Variants in PKHD1 observed in about 807,000 individuals in gnomAD.
PKHD1 encodes PKHD1 ciliary IPT domain containing fibrocystin/polyductin, also known as fibrocystin.
In PKHD1, 291 loss-of-function variants were observed where a neutral mutation model predicts 412.0. The observed-to-expected ratio is 0.71, with a 90% CI of 0.64 to 0.78. The LOEUF (loss-of-function observed/expected upper bound fraction) is 0.78, where lower values mean the gene tolerates loss of function less well. Ranked by LOEUF, PKHD1 falls within the 30% of genes least tolerant of loss-of-function variation. The pLI is 0.00. For synonymous variants in PKHD1, 1,777 were observed against 1,821.5 expected, an observed-to-expected ratio of 0.98 and a Z score of 0.62; for missense variants, 4,825 against 4,950.7, an observed-to-expected ratio of 0.97 and a Z score of 0.76.
At chr6:51,796,757 C>A (rs1300748230) in intron 52 of PKHD1, among the ~76,000 whole-genome samples, 2 of 151,422 alleles carry the variant, frequency 1.3e-5, no homozygotes, top group Non-Finnish European at 2.9e-5. Flanking sequence ...ATTATTTACT[C>A]AAGAGTCATT....
rs749998868 is a variant in PKHD1 at position 51,748,317 on chromosome 6, T to C, written c.9299A>G (p.Glu3100Gly). The change falls in exon 58 of 67, where the codon GAG (glutamate) becomes GGG (glycine). Residue 3100 changes from glutamate to glycine, a missense_variant. By Grantham distance (98) the Glu-to-Gly change is moderately conservative. Coordinates refer to ENST00000371117, the MANE Select transcript of PKHD1 (RefSeq NM_138694.4). ...GCCTCGGATGTGAAAGCCAAGTCTC[T>C]CTGATCCTGCCACAACGTTGCCATG... Reference protein sequence around the residue: ...NLHGNVVAGSERLGFHIRGHK... With the variant: ...NLHGNVVAGSGRLGFHIRGHK... 1 of 1,614,062 alleles carries C rather than the reference T, an allele frequency of 6.2e-7. No homozygotes were observed. The highest frequency in any genetic ancestry group is 1.7e-5 in the Admixed American group (1 of 59,986).
intron 35 of PKHD1, among the ~76,000 whole-genome samples, chr6:51,972,695 T>C (rs1265408903): frequency 6.6e-6 from 1 of 152,196 alleles, no homozygotes; most frequent in East Asian, 1.9e-4. Flanking sequence ...TCTAAGCTCT[T>C]AGAGCCCAGT....
At chr6:51,629,549 C>T (rs750734786) in intron 65 of PKHD1, among the ~76,000 whole-genome samples, 1 of 151,788 alleles carries the variant, frequency 6.6e-6, no homozygotes, top group Non-Finnish European at 1.5e-5. Context: ...GAAGGATATA[C>T]CCTGAAATAA....
intron 33 of PKHD1, among the ~76,000 whole-genome samples, chr6:52,019,574 A>C (rs1029411470): frequency 1.3e-5 from 2 of 152,240 alleles, no homozygotes; most frequent in Middle Eastern, 3.2e-3. Flanking sequence ...GCAAATTGAC[A>C]AGCAGGATTA....
chr6:51,732,989 T>G (rs987263591), intron 60 of PKHD1, among the ~76,000 whole-genome samples: 3 of 152,196 alleles, frequency 2.0e-5, no homozygotes, highest in African/African-American at 4.8e-5. Flanking sequence ...GAGAACATTA[T>G]GCTAAAAGAA....
chr6:51,915,093 G>C (rs936555685), intron 37 of PKHD1, among the ~76,000 whole-genome samples: 2 of 152,050 alleles, frequency 1.3e-5, no homozygotes, highest in African/African-American at 4.8e-5. Context: ...AAACAGATGA[G>C]AGAAAAGAAG....
chr6:51,707,061 G>T (rs1780097016), intron 60 of PKHD1, among the ~76,000 whole-genome samples: 1 of 152,040 alleles, frequency 6.6e-6, no homozygotes, highest in Non-Finnish European at 1.5e-5. Flanking sequence ...GAATATATAA[G>T]AATTGCTTTA....
intron 50 of PKHD1, among the ~76,000 whole-genome samples, chr6:51,838,364 C>T (rs893405544): frequency 6.6e-6 from 1 of 152,130 alleles, no homozygotes; most frequent in Admixed American, 6.5e-5. Context: ...TAGCTCTTTC[C>T]ACTACACTGC....
At chr6:52,017,336 A>G (rs952547875) in intron 34 of PKHD1, 74 bp downstream of exon 34, 1 of 1,088,380 alleles carries the variant, frequency 9.2e-7, no homozygotes, top group Non-Finnish European at 1.4e-6. Context: ...CCCAGCCTAC[A>G]CTCTCTGATG....
intron 28 of PKHD1, among the ~76,000 whole-genome samples, chr6:52,034,059 G>T (rs1254464693): frequency 6.6e-6 from 1 of 151,918 alleles, no homozygotes; most frequent in Non-Finnish European, 1.5e-5. Context: ...AACCCGGGAG[G>T]TGGAGGTTGC....
chr6:51,622,422 G>A (rs1055193276), intron 66 of PKHD1: 6 of 152,088 alleles, frequency 3.9e-5, no homozygotes, highest in Admixed American at 2.6e-4. Flanking sequence ...GGACTTTTGA[G>A]CCTAAACAGG....
At chr6:52,044,646 A>C (rs1805488619) in intron 25 of PKHD1, among the ~76,000 whole-genome samples, 2 of 152,230 alleles carry the variant, frequency 1.3e-5, no homozygotes, top group Admixed American at 1.3e-4. Context: ...AGACAAAAAG[A>C]ATGACTTAGC....
intron 24 of PKHD1, 40 bp from the exon 25 acceptor site, chr6:52,045,128 C>T (rs191119111): frequency 2.4e-5 from 39 of 1,604,250 alleles, no homozygotes; most frequent in South Asian, 1.1e-4. Context: ...GTCATGGAAC[C>T]GAAATCTAAT....
intron 60 of PKHD1, among the ~76,000 whole-genome samples, chr6:51,682,636 A>C (rs142134759): frequency 8.5e-5 from 13 of 152,182 alleles, no homozygotes; most frequent in African/African-American, 3.1e-4. Flanking sequence ...AAACAGGGCA[A>C]GTTGAGTGAA....
intron 43 of PKHD1, among the ~76,000 whole-genome samples, chr6:51,888,608 C>G (rs1322177297): frequency 6.6e-6 from 1 of 151,746 alleles, no homozygotes; most frequent in Non-Finnish European, 1.5e-5. Context: ...AAGGGCCTTC[C>G]TTCTTGGACT....
At chr6:51,825,662 C>T (rs531257258) in intron 52 of PKHD1, among the ~76,000 whole-genome samples, 3 of 152,178 alleles carry the variant, frequency 2.0e-5, no homozygotes, top group South Asian at 2.1e-4. Context: ...TAGAACACCT[C>T]GGCCTCGCCT....
At chr6:52,050,899 A>G (rs1212651753) in intron 21 of PKHD1, among the ~76,000 whole-genome samples, 1 of 152,242 alleles carries the variant, frequency 6.6e-6, no homozygotes, top group Non-Finnish European at 1.5e-5. Flanking sequence ...TATGACATGC[A>G]TGATTGATAG....
intron 52 of PKHD1, among the ~76,000 whole-genome samples, chr6:51,803,570 G>A (rs1219839337): frequency 1.3e-5 from 2 of 151,272 alleles, no homozygotes; most frequent in East Asian, 3.9e-4. Context: ...ATAAAGAAAA[G>A]GTATTATCAC....
Position 51,903,622 on chromosome 6 carries a change from A to T in PKHD1, c.6971T>A (p.Ile2324Asn). 6.2e-7 allele frequency: 1 copy of T among 1,611,404 alleles called. No individual in the cohort carries two copies. The highest frequency in any genetic ancestry group is 1.1e-5 in the South Asian group (1 of 91,042). ...CTCTATAACATTGGTGGGACTGCAG[A>T]TATAGATGCCAGATGGTGTCAACAT... is the stretch of plus-strand genomic sequence containing the variant. The part of the protein sequence containing the change: ...PEMLTPSGIY[I>N]CSPTNVIEGN... The change falls in exon 43 of 67, where the codon ATC becomes AAC. Residue 2324 changes from isoleucine (I) to asparagine (N), a missense_variant. By Grantham distance (149) the Ile-to-Asn change is moderately radical. Transcript: ENST00000371117.
Sources: allele counts gnomAD v4.1 joint callset (sites outside exome capture counted in the v4.1 genomes callset), GRCh38; gene constraint gnomAD v4.1.1; transcripts MANE v1.5; gene names NCBI Gene and HGNC (gene_info 2026-07-23, HGNC 2026-07-21).